Variants in SHANK2 observed in about 807,000 individuals in gnomAD.
The protein encoded by SHANK2 is SH3 and multiple ankyrin repeat domains 2.
SHANK2 carries 43 observed loss-of-function variants against 133.7 expected under a neutral mutation model. The observed-to-expected ratio is 0.32, with a 90% CI of 0.25 to 0.41. SHANK2 has a LOEUF of 0.41. Among genes scored for constraint, SHANK2 ranks in the 10% least tolerant of loss-of-function variants. SHANK2 has a pLI of 1.00. For missense variants in SHANK2, 1,994 were observed against 2,235.8 expected (o/e 0.89, Z 2.18); for synonymous variants, 1,017 against 952.8 (o/e 1.07, Z -1.24).
At chr11:71,069,630 C>A (rs1435990190) in intron 9 of SHANK2, among the ~76,000 whole-genome samples, 1 of 152,168 alleles carries the variant, frequency 6.6e-6, no homozygotes, top group Non-Finnish European at 1.5e-5. Flanking sequence ...CCTGTGAATT[C>A]GGTTTAATTA....
At chr11:70,840,011 G>C (rs1326369889) in intron 11 of SHANK2, among the ~76,000 whole-genome samples, 2 of 152,196 alleles carry the variant, frequency 1.3e-5, no homozygotes, top group African/African-American at 4.8e-5. Flanking sequence ...GCGTGAGGTG[G>C]GCTCGGCCGG....
chr11:71,204,877 G>T (rs1954098318), intron 2 of SHANK2, among the ~76,000 whole-genome samples: 1 of 152,136 alleles, frequency 6.6e-6, no homozygotes, highest in Admixed American at 6.5e-5. Flanking sequence ...CCACGGCCGG[G>T]CAGGGAAGGG....
intron 11 of SHANK2, among the ~76,000 whole-genome samples, chr11:70,842,786 T>TCTC (rs2135436094): frequency 6.6e-6 from 1 of 152,084 alleles, no homozygotes; most frequent in African/African-American, 2.4e-5. Context: ...GCACGCAGGG[T>TCTC]CTCCCCACCC....
At chr11:70,762,239 G>A (rs912748058) in intron 14 of SHANK2, among the ~76,000 whole-genome samples, 4 of 152,168 alleles carry the variant, frequency 2.6e-5, no homozygotes, top group Non-Finnish European at 4.4e-5. Context: ...TTTTACAAAC[G>A]TGGCCTGAAA....
At chr11:71,077,748 G>C (rs1951240573) in intron 8 of SHANK2, among the ~76,000 whole-genome samples, 2 of 152,162 alleles carry the variant, frequency 1.3e-5, no homozygotes, top group East Asian at 1.9e-4. Flanking sequence ...TGGGCAGAAG[G>C]GTCCACAGAC....
At position 71,237,323 on chromosome 11, in the gene SHANK2, C is replaced by T. The variant is rs548056202; in HGVS notation, c.-112-12527G>A. ...GACTGCCCAGGGGCCAATTCTAGCCCCAGCCTGTTTTTATAAGTAAAGTTT... is the reference window on the plus strand; with the variant it reads ...GACTGCCCAGGGGCCAATTCTAGCCTCAGCCTGTTTTTATAAGTAAAGTTT... On this transcript the variant is annotated intron_variant, in intron 1 of 25. Transcript: ENST00000601538. Among the ~76,000 whole-genome samples the T allele has an allele frequency of 3.3e-5, 5 of 152,230 alleles. No individual in the cohort carries two copies. The South Asian group carries it at 1.0e-3, about 32-fold the overall frequency.
chr11:70,849,037 A>G lies in SHANK2; in HGVS notation c.1175-28355T>C, dbSNP rs573190336. On this transcript the variant is annotated intron_variant, in intron 11 of 25. Transcript: ENST00000601538. The stretch of plus-strand genomic sequence containing the variant: ...AGTGGTGCCCAGGGATGCTGGCTGC[A>G]GGGCCACTGAAAATATGAATGGTAG... 3.0e-4 allele frequency among the ~76,000 whole-genome samples: 45 copies of G among 152,274 alleles called. 1 individual carries two copies. Among genetic ancestry groups the G allele is most frequent in the African/African-American group, 8.4e-4 (35 of 41,542 alleles).
intron 2 of SHANK2, among the ~76,000 whole-genome samples, chr11:71,189,026 C>T (rs73537491): frequency 1.3e-5 from 2 of 152,216 alleles, no homozygotes; most frequent in Non-Finnish European, 2.9e-5. Context: ...CAACCACAGA[C>T]GGCCAGGGAA....
intron 17 of SHANK2, among the ~76,000 whole-genome samples, chr11:70,620,502 G>A (rs1328569297): frequency 1.3e-5 from 2 of 152,154 alleles, no homozygotes; most frequent in African/African-American, 4.8e-5. Flanking sequence ...GGGCCTGGAG[G>A]CTGCCTGCCC....
In SHANK2 at chr11:70,877,589, C is replaced by T. The variant is rs75350385; in HGVS notation, c.1174+18912G>A. ...TTCACCAGCTCTGGTTGTACACATC[C>T]GAGACTCCCCAGGACTCTACCAAGG... On this transcript the variant is annotated intron_variant, in intron 11 of 25. Transcript: ENST00000601538. Among the ~76,000 whole-genome samples the T allele has an allele frequency of 5.4e-3, 822 of 152,238 alleles. 11 individuals are homozygous for T. Among genetic ancestry groups the T allele is most frequent in the African/African-American group, 0.019 (797 of 41,540 alleles).
chr11:71,112,583 T>A (rs1951906889), intron 5 of SHANK2, among the ~76,000 whole-genome samples: 1 of 152,066 alleles, frequency 6.6e-6, no homozygotes, highest in Non-Finnish European at 1.5e-5. Flanking sequence ...CACCCCATGC[T>A]CTGCAGGGAG....
At chr11:71,230,610 G>A (rs150910121) in intron 1 of SHANK2, among the ~76,000 whole-genome samples, 1 of 150,962 alleles carries the variant, frequency 6.6e-6, no homozygotes, top group East Asian at 1.9e-4. Flanking sequence ...AAAAGAACTA[G>A]GAAAACTAAC....
At chr11:70,764,042 T>C (rs1233616326) in intron 14 of SHANK2, among the ~76,000 whole-genome samples, 2 of 152,002 alleles carry the variant, frequency 1.3e-5, no homozygotes, top group African/African-American at 2.4e-5. Context: ...ATCTGATTAT[T>C]AAGTCATCCA....
At chr11:71,156,257 T>C (rs1555109088) in intron 2 of SHANK2, among the ~76,000 whole-genome samples, 1 of 152,220 alleles carries the variant, frequency 6.6e-6, no homozygotes, top group African/African-American at 2.4e-5. Context: ...CCTGATAGGT[T>C]TGTGAAACAG....
At chr11:70,591,487 C>T (rs2060320165) in intron 17 of SHANK2, among the ~76,000 whole-genome samples, 1 of 152,046 alleles carries the variant, frequency 6.6e-6, no homozygotes, top group Admixed American at 6.5e-5. Flanking sequence ...AAGCGCATTG[C>T]CCTGGACTCA....
intron 12 of SHANK2, among the ~76,000 whole-genome samples, chr11:70,816,059 G>A (rs1948388526): frequency 6.6e-6 from 1 of 152,208 alleles, no homozygotes; most frequent in Non-Finnish European, 1.5e-5. Flanking sequence ...CCCCATGGCA[G>A]CCAGCGGGGT....
At chr11:70,619,024 C>T (rs1280105595) in intron 17 of SHANK2, among the ~76,000 whole-genome samples, 4 of 152,172 alleles carry the variant, frequency 2.6e-5, no homozygotes, top group Non-Finnish European at 4.4e-5. Context: ...CCACACCCTT[C>T]GTCCTGCAGG....
rs34446408 is a variant in SHANK2 at position 70,678,532 on chromosome 11, C to CTTTT, written c.1854-16858_1854-16855dup. On this transcript the variant is annotated intron_variant, in intron 15 of 25. Transcript: ENST00000601538. Reference sequence around the variant, plus strand: ...TCATTTCCAGTCTGCTAAGAACAGGCTTTTTTTTTTTTTTTTTTTTTTTGA... The same window carrying CTTTT: ...TCATTTCCAGTCTGCTAAGAACAGGCTTTTTTTTTTTTTTTTTTTTTTTTTTTGA... Among the ~76,000 whole-genome samples, 588 of 77,062 alleles carry CTTTT rather than the reference C, an allele frequency of 7.6e-3. 57 individuals carry two copies. The highest frequency in any genetic ancestry group is 0.024 in the African/African-American group (489 of 20,330). The allele number at this position is 77,062 out of a possible 152,430, so 50.6% of individuals were successfully genotyped here. A position where few individuals can be genotyped will look rare whatever the true frequency, so the allele number is the denominator to read the frequency against.
At chr11:70,775,934 T>C (rs149448626) in intron 14 of SHANK2, among the ~76,000 whole-genome samples, 3 of 152,356 alleles carry the variant, frequency 2.0e-5, no homozygotes, top group African/African-American at 4.8e-5. Context: ...CAGAGCACCA[T>C]ATGACAGCTT....
Sources: allele counts gnomAD v4.1 joint callset (sites outside exome capture counted in the v4.1 genomes callset), GRCh38; gene constraint gnomAD v4.1.1; transcripts MANE v1.5; gene names NCBI Gene and HGNC (gene_info 2026-07-23, HGNC 2026-07-21).